Variants in TGFBR3 observed in about 807,000 individuals in gnomAD.
The protein encoded by TGFBR3 is transforming growth factor beta receptor 3.
TGFBR3 carries 46 observed loss-of-function variants against 87.9 expected under a neutral mutation model. That is an observed-to-expected ratio of 0.52 (90% CI 0.41 to 0.67). TGFBR3 has a LOEUF of 0.67. Among genes scored for constraint, TGFBR3 ranks in the 30% least tolerant of loss-of-function variants. TGFBR3 has a pLI of 0.00. For missense variants in TGFBR3, 866 were observed against 1,041.9 expected (o/e 0.83, Z 2.32); for synonymous variants, 381 against 391.6 (o/e 0.97, Z 0.32).
intron 4 of TGFBR3, among the ~76,000 whole-genome samples, chr1:91,746,471 C>G (rs550959888): frequency 3.9e-5 from 6 of 152,112 alleles, no homozygotes; most frequent in Non-Finnish European, 8.8e-5. Flanking sequence ...GAGCTTACCC[C>G]CAAATTCAAA....
At chr1:91,801,426 G>C (rs1233609805) in intron 2 of TGFBR3, among the ~76,000 whole-genome samples, 2 of 152,148 alleles carry the variant, frequency 1.3e-5, no homozygotes, top group African/African-American at 4.8e-5. Context: ...TCCACTGGGT[G>C]AGGAGAGGGA....
intron 2 of TGFBR3, among the ~76,000 whole-genome samples, chr1:91,832,641 G>A (rs779459179): frequency 8.5e-5 from 13 of 152,296 alleles, no homozygotes; most frequent in Middle Eastern, 3.4e-3. Context: ...GGGGAAGGTA[G>A]AACCTAGACT....
At chr1:91,702,772 CGGTGGCT>C (rs1671666680) in intron 14 of TGFBR3, among the ~76,000 whole-genome samples, 1 of 152,040 alleles carries the variant, frequency 6.6e-6, no homozygotes, top group Non-Finnish European at 1.5e-5. Flanking sequence ...TGGCCGGGAG[CGGTGGCT>C]CAGGCCTGTA....
chr1:91,870,527 T>G (rs6656018), intron 1 of TGFBR3, among the ~76,000 whole-genome samples: 95,907 of 152,106 alleles, frequency 0.63, 30,513 homozygotes, highest in Middle Eastern at 0.74. Context: ...GTCTATACCT[T>G]ATTCCCCTTC....
intron 4 of TGFBR3, among the ~76,000 whole-genome samples, chr1:91,753,064 A>G (rs987344589): frequency 6.6e-6 from 1 of 151,604 alleles, no homozygotes; most frequent in East Asian, 1.9e-4. Flanking sequence ...AATCAGGTAC[A>G]TGGAATAAAG....
chr1:91,697,718 A>G (rs1671480486), intron 15 of TGFBR3, among the ~76,000 whole-genome samples: 1 of 152,226 alleles, frequency 6.6e-6, no homozygotes, highest in Non-Finnish European at 1.5e-5. Flanking sequence ...AATATTGTTG[A>G]TAAGACTTAA....
chr1:91,741,112 T>C (rs1214324772), intron 4 of TGFBR3, among the ~76,000 whole-genome samples: 2 of 152,206 alleles, frequency 1.3e-5, no homozygotes, highest in Non-Finnish European at 2.9e-5. Context: ...ACCATCTACC[T>C]GGAGATAGGT....
chr1:91,683,720 C>A lies in TGFBR3; in HGVS notation c.*19G>T. On this transcript the variant is annotated 3_prime_UTR_variant, in exon 17 of 17. Coordinates refer to ENST00000212355, the MANE Select transcript of TGFBR3 (RefSeq NM_003243.5). ...TGAGCTGGGCTGGGCTGGGTTGGGCCGGGTTGGGCTGGGTTGGGCTAGGCC... is the reference window on the plus strand; with the variant it reads ...TGAGCTGGGCTGGGCTGGGTTGGGCAGGGTTGGGCTGGGTTGGGCTAGGCC... The A allele has an allele frequency of 1.4e-6, 2 of 1,407,068 alleles. No homozygotes were observed. The highest frequency in any genetic ancestry group is 1.9e-6 in the Non-Finnish European group (2 of 1,064,852). 87.2% of individuals were successfully genotyped at this position (1,407,068 alleles called of 1,614,324 possible). A position where few individuals can be genotyped will look rare whatever the true frequency, so the allele number is the denominator to read the frequency against.
chr1:91,702,581 C>T (rs953840208), intron 14 of TGFBR3, among the ~76,000 whole-genome samples: 2 of 152,180 alleles, frequency 1.3e-5, no homozygotes, highest in Non-Finnish European at 1.5e-5. Context: ...TTTAGAGGTA[C>T]ATACTGGAAT....
Position 91,810,936 on chromosome 1 carries a change from T to G in TGFBR3, c.62-13465A>C, listed in dbSNP as rs1676010431. Among the ~76,000 whole-genome samples, 4 of 152,184 alleles carry G rather than the reference T, an allele frequency of 2.6e-5. No individual in the cohort carries two copies. In the South Asian group the frequency reaches 8.3e-4, roughly 32 times the overall value. ...ACTTAGCTAAAGGAAACTACATCAT[T>G]TGAGTGCCAAACCTAGCTCTGCGCT... On this transcript the variant is annotated intron_variant, in intron 2 of 16. Transcript: ENST00000212355.
At chr1:91,794,506 A>G (rs1675303974) in intron 3 of TGFBR3, among the ~76,000 whole-genome samples, 1 of 140,320 alleles carries the variant, frequency 7.1e-6, no homozygotes, top group African/African-American at 2.4e-5. Context: ...CCCGGCCTCC[A>G]CTTTTTTAAA....
At chr1:91,761,381 CTTCAA>C (rs1673957630) in intron 3 of TGFBR3, among the ~76,000 whole-genome samples, 1 of 152,200 alleles carries the variant, frequency 6.6e-6, no homozygotes, top group African/African-American at 2.4e-5. Context: ...ACAGCTCCCT[CTTCAA>C]TATGTGGCAG....
intron 7 of TGFBR3, among the ~76,000 whole-genome samples, chr1:91,727,172 C>T (rs1350946297): frequency 6.6e-6 from 1 of 152,184 alleles, no homozygotes; most frequent in Non-Finnish European, 1.5e-5. Context: ...GCCAATATTT[C>T]GTATTTAACT....
At chr1:91,787,319 A>T (rs1422414702) in intron 3 of TGFBR3, among the ~76,000 whole-genome samples, 6 of 152,168 alleles carry the variant, frequency 3.9e-5, no homozygotes, top group Admixed American at 1.3e-4. Context: ...AATAATTAAA[A>T]AAAAAAAAGT....
At position 91,683,565 on chromosome 1, in the gene TGFBR3, G is replaced by C. The variant is rs1328038605; in HGVS notation, c.*174C>G. The C allele has an allele frequency of 1.7e-5, 12 of 702,574 alleles. No homozygotes were observed. Among genetic ancestry groups the C allele is most frequent in the Admixed American group, 1.2e-4 (6 of 49,766 alleles). 43.5% of individuals were successfully genotyped at this position (702,574 alleles called of 1,614,324 possible). ...AGGGTCATGTTTATACTAGCCCTGGGTGTGGGGTGAATACAACGGGTGATC... is the reference window on the plus strand; with the variant it reads ...AGGGTCATGTTTATACTAGCCCTGGCTGTGGGGTGAATACAACGGGTGATC... On this transcript the variant is annotated 3_prime_UTR_variant, in exon 17 of 17. Transcript: ENST00000212355.
At chr1:91,872,316 G>T (rs1427860580) in intron 1 of TGFBR3, among the ~76,000 whole-genome samples, 1 of 152,120 alleles carries the variant, frequency 6.6e-6, no homozygotes, top group Non-Finnish European at 1.5e-5. Context: ...TACGGTATTG[G>T]TTTCACAAGA....
At chr1:91,859,372 GTTTTCCATCAAGCC>G (rs1031829739) in intron 2 of TGFBR3, among the ~76,000 whole-genome samples, 1 of 119,314 alleles carries the variant, frequency 8.4e-6, no homozygotes, top group Non-Finnish European at 1.6e-5. Context: ...AAAACAGCAT[GTTTTCCATCAAGCC>G]GCTTCTCTCC....
intron 1 of TGFBR3, among the ~76,000 whole-genome samples, chr1:91,900,340 C>G (rs185875662): frequency 2.0e-4 from 31 of 152,244 alleles, no homozygotes; most frequent in Non-Finnish European, 4.0e-4. Context: ...TCTCAAACTC[C>G]AGACCTCGGG....
chr1:91,756,827 A>G (rs185898401), intron 4 of TGFBR3, among the ~76,000 whole-genome samples: 23 of 152,322 alleles, frequency 1.5e-4, no homozygotes, highest in Non-Finnish European at 2.4e-4. Context: ...TCAGTTTTTA[A>G]AACCTTGCCA....
Sources: allele counts gnomAD v4.1 joint callset (sites outside exome capture counted in the v4.1 genomes callset), GRCh38; gene constraint gnomAD v4.1.1; transcripts MANE v1.5; gene names NCBI Gene and HGNC (gene_info 2026-07-23, HGNC 2026-07-21).